TACR1: variants seen among roughly 807,000 people sequenced by gnomAD.
TACR1 encodes substance-P receptor.
In TACR1, 25 loss-of-function variants were observed where a neutral mutation model predicts 35.8. The observed-to-expected ratio is 0.70, with a 90% CI of 0.51 to 0.98. The LOEUF (loss-of-function observed/expected upper bound fraction) is 0.98. Ranked by LOEUF, TACR1 falls within the 50% of genes least tolerant of loss-of-function variation. TACR1 has a pLI of 0.00. For synonymous variants in TACR1, 195 were observed against 206.7 expected (o/e 0.94, Z 0.48); for missense variants, 478 against 522.9 (o/e 0.91, Z 0.84).
chr2:75,198,575 G>C lies in TACR1; in HGVS notation c.360C>G (p.Ile120Met). 1 of 1,614,080 alleles carries C rather than the reference G, an allele frequency of 6.2e-7. No individual in the cohort carries two copies. Among genetic ancestry groups the C allele is most frequent in the South Asian group, 1.1e-5 (1 of 91,078 alleles). Residue 120 changes from isoleucine to methionine, a missense_variant, in exon 1 of 5, where the codon ATC becomes ATG. Transcript: ENST00000305249. ...FFPIAAVFAS[I>M]YSMTAVAFDR... ...CAAAGGCCACAGCCGTCATGGAGTA[G>C]ATACTGGCGAAGACAGCGGCGATGG...
At chr2:75,185,639 T>A (rs1473371619) in intron 1 of TACR1, among the ~76,000 whole-genome samples, 1 of 152,214 alleles carries the variant, frequency 6.6e-6, no homozygotes, top group East Asian at 1.9e-4. Flanking sequence ...AACATTTTAA[T>A]CTTTTAAATT....
chr2:75,161,445 A>G lies in TACR1; in HGVS notation c.389+37101T>C, dbSNP rs530286187. On this transcript the variant is annotated intron_variant, in intron 1 of 4. Coordinates refer to ENST00000305249, the MANE Select transcript of TACR1 (RefSeq NM_001058.4). ...GAGAGAAAAGAAAAGGGAATTAGAAATACATACTAAAATGTTAATCTTTCA... is the reference window on the plus strand; with the variant it reads ...GAGAGAAAAGAAAAGGGAATTAGAAGTACATACTAAAATGTTAATCTTTCA... Among the ~76,000 whole-genome samples, 120 of 152,244 alleles carry G rather than the reference A, an allele frequency of 7.9e-4. 1 individual carries two copies. The highest frequency in any genetic ancestry group is 2.7e-3 in the African/African-American group (113 of 41,572).
At chr2:75,055,515 G>A (rs575569038) in intron 2 of TACR1, among the ~76,000 whole-genome samples, 41 of 152,330 alleles carry the variant, frequency 2.7e-4, no homozygotes, top group Admixed American at 2.5e-3. Flanking sequence ...TTGCTTGTAA[G>A]CAAAATGTTT....
intron 1 of TACR1, among the ~76,000 whole-genome samples, chr2:75,159,914 C>G (rs541247732): frequency 6.6e-6 from 1 of 152,280 alleles, no homozygotes; most frequent in East Asian, 1.9e-4. Flanking sequence ...TTCGCTGGAT[C>G]AGGCACATAA....
rs547431005 is a variant in TACR1, at chr2:75,079,184, A to T, written c.585-25429T>A. ...TGTCCTAATTTTGCTCTCTGGAGCA[A>T]CCCAAAGTAAGTCCCATGCCTCTTC... On this transcript the variant is annotated intron_variant, in intron 2 of 4. Transcript: ENST00000305249. Among the ~76,000 whole-genome samples the T allele has an allele frequency of 1.3e-4, 20 of 152,094 alleles. 1 individual carries two copies. In the South Asian group the frequency reaches 4.2e-3, roughly 32 times the overall value.
At chr2:75,143,400 T>G (rs1275969998) in intron 1 of TACR1, among the ~76,000 whole-genome samples, 1 of 152,212 alleles carries the variant, frequency 6.6e-6, no homozygotes, top group East Asian at 1.9e-4. Flanking sequence ...CATTGAAATG[T>G]CCAAAGAAAT....
At chr2:75,137,468 T>G (rs145841455) in intron 1 of TACR1, among the ~76,000 whole-genome samples, 122 of 151,942 alleles carry the variant, frequency 8.0e-4, no homozygotes, top group Non-Finnish European at 1.2e-3. Flanking sequence ...CCTCATGCCT[T>G]TAATCCCAGC....
chr2:75,122,775 G>T (rs1371226643), intron 1 of TACR1, among the ~76,000 whole-genome samples: 1 of 152,164 alleles, frequency 6.6e-6, no homozygotes, highest in Non-Finnish European at 1.5e-5. Flanking sequence ...CTCTCAATAT[G>T]TTACAAATCA....
Position 75,198,940 on chromosome 2 carries a change from A to C in TACR1, c.-6T>G, listed in dbSNP as rs199714978. 144 of 1,612,292 alleles carry C rather than the reference A, an allele frequency of 8.9e-5. No homozygotes were observed. The African/African-American group carries it at 1.8e-3, about 20-fold the overall frequency. On this transcript the variant is annotated 5_prime_UTR_variant, in exon 1 of 5. Coordinates refer to ENST00000305249, the MANE Select transcript of TACR1 (RefSeq NM_001058.4). ...ACCGGGAGGACGTTATCCATTTCGA[A>C]GCTAGGCGGTAAAGCCCTACTATCT...
chr2:75,115,906 CAAAAAAAA>C (rs1158476632), intron 2 of TACR1, among the ~76,000 whole-genome samples: 2 of 54,466 alleles, frequency 3.7e-5, no homozygotes, highest in Admixed American at 2.8e-4. Context: ...GACTCCGTCT[CAAAAAAAA>C]AAAAAAAAAA....
chr2:75,154,450 A>ACACTCT (rs1362786009), intron 1 of TACR1: 1,027 of 89,240 alleles, frequency 0.012, 82 homozygotes, highest in South Asian at 0.046. Context: ...ACACACACAC[A>ACACTCT]CTCTGAAGAA....
intron 1 of TACR1, among the ~76,000 whole-genome samples, chr2:75,183,931 C>T (rs2160654): frequency 0.56 from 84,777 of 152,136 alleles, 26,151 homozygotes; most frequent in African/African-American, 0.85. Context: ...ATTTAGGAAA[C>T]TGGTTGGAAG....
rs1676074957 is a variant in TACR1, at chr2:75,199,330, G to A, written c.-396C>T. The A allele has an allele frequency of 4.7e-6, 1 of 213,174 alleles. No homozygotes were observed. The highest frequency in any genetic ancestry group is 9.6e-6 in the Non-Finnish European group (1 of 104,070). 13.2% of individuals were successfully genotyped at this position (213,174 alleles called of 1,614,324 possible). ...TATTTCTCCTTCCTCCGCAGGGAAA[G>A]GCAAAGCCCTGTGCTGCGTGAGGAC... On this transcript the variant is annotated 5_prime_UTR_variant, in exon 1 of 5. Coordinates refer to ENST00000305249, the MANE Select transcript of TACR1 (RefSeq NM_001058.4).
intron 2 of TACR1, among the ~76,000 whole-genome samples, chr2:75,070,270 T>C (rs76190727): frequency 6.6e-6 from 1 of 151,468 alleles, no homozygotes; most frequent in African/African-American, 2.4e-5. Context: ...TGTGTGTGTG[T>C]TTTGAGCACT....
At chr2:75,061,954 T>G (rs1437764315) in intron 2 of TACR1, among the ~76,000 whole-genome samples, 1 of 152,240 alleles carries the variant, frequency 6.6e-6, no homozygotes, top group East Asian at 1.9e-4. Flanking sequence ...CTATTTCATC[T>G]GCTTGATTAG....
chr2:75,139,654 C>A (rs1284187879), intron 1 of TACR1, among the ~76,000 whole-genome samples: 1 of 152,144 alleles, frequency 6.6e-6, no homozygotes, highest in Non-Finnish European at 1.5e-5. Context: ...TTTATTTTCC[C>A]AACATATAAA....
chr2:75,198,461 CATACCCCACCCAGTTCCA>C (rs1341913766), intron 1 of TACR1, 67 bp downstream of exon 1: 2 of 1,512,940 alleles, frequency 1.3e-6, no homozygotes, highest in Non-Finnish European at 1.8e-6. Context: ...CCACTTGACC[CATACCCCACCCAGTTCCA>C]AACCTCACAG....
At chr2:75,102,164 T>C (rs185185292) in intron 2 of TACR1, among the ~76,000 whole-genome samples, 1 of 152,234 alleles carries the variant, frequency 6.6e-6, no homozygotes, top group Non-Finnish European at 1.5e-5. Context: ...GTTACCTCTG[T>C]CATCCTGGTT....
At chr2:75,188,955 C>T (rs935331141) in intron 1 of TACR1, 1 of 152,166 alleles carries the variant, frequency 6.6e-6, no homozygotes, top group African/African-American at 2.4e-5. Flanking sequence ...TTCATGACCT[C>T]AGAATCTCAA....
Sources: gnomAD v4.1 joint callset for allele counts (sites outside exome capture counted in the v4.1 genomes callset) on GRCh38, gnomAD v4.1.1 for gene constraint, MANE v1.5 for transcripts, NCBI Gene and HGNC (gene_info 2026-07-23, HGNC 2026-07-21) for gene names.